The following TBC1D4 variants were observed in gnomAD, a reference collection of about 807,000 sequenced individuals.
TBC1D4 encodes the protein TBC1 domain family member 4, also known as TBC (Tre-2, BUB2, CDC16) domain-containing protein.
Under a neutral mutation model 142.5 loss-of-function variants are expected in TBC1D4, and 121 were observed. The ratio of observed to expected loss-of-function variants is 0.85; its 90% confidence interval spans 0.73 to 0.99. The LOEUF (loss-of-function observed/expected upper bound fraction) is 0.99. TBC1D4 is among the 50% of genes least tolerant of loss of function. TBC1D4 has a pLI of 0.00. For synonymous variants in TBC1D4, 630 were observed against 628.2 expected, an observed-to-expected ratio of 1.00 and a Z score of -0.04; for missense variants, 1,475 against 1,606.6, an observed-to-expected ratio of 0.92 and a Z score of 1.40.
intron 5 of TBC1D4, among the ~76,000 whole-genome samples, chr13:75,342,036 A>G (rs898917100): frequency 1.1e-4 from 17 of 152,148 alleles, no homozygotes. Context: ...TGTCTCTACT[A>G]AAAATACAAA....
rs546903584 is a variant in TBC1D4, at chr13:75,312,082, TTCTA to T, written c.2383+652_2383+655del. On this transcript the variant is annotated intron_variant, in intron 13 of 20. Transcript: ENST00000377636. ...ATCATTATGTATGTTCTCATGATTG[TTCTA>T]TCTGTTTGTTTACTGTTACATGTGC... Among the ~76,000 whole-genome samples the T allele has an allele frequency of 3.9e-3, 587 of 152,252 alleles. 5 individuals are homozygous for T. The highest frequency in any genetic ancestry group is 0.015 in the Admixed American group (228 of 15,298).
intron 1 of TBC1D4, among the ~76,000 whole-genome samples, chr13:75,404,216 T>C (rs1169601054): frequency 3.3e-5 from 5 of 152,166 alleles, no homozygotes; most frequent in African/African-American, 1.2e-4. Context: ...GCATACATAG[T>C]ATTATTGTAG....
intron 1 of TBC1D4, among the ~76,000 whole-genome samples, chr13:75,368,948 G>C (rs920082497): frequency 5.9e-5 from 9 of 152,150 alleles, no homozygotes; most frequent in African/African-American, 1.9e-4. Flanking sequence ...TGAGGCTGAG[G>C]CAGGAGAACC....
At chr13:75,414,958 T>C (rs1885848368) in intron 1 of TBC1D4, among the ~76,000 whole-genome samples, 1 of 151,590 alleles carries the variant, frequency 6.6e-6, no homozygotes, top group Non-Finnish European at 1.5e-5. Context: ...ACCCCATCTC[T>C]ACTAAAAACA....
chr13:75,470,735 C>T (rs1888362254), intron 1 of TBC1D4, among the ~76,000 whole-genome samples: 1 of 152,106 alleles, frequency 6.6e-6, no homozygotes, highest in Non-Finnish European at 1.5e-5. Context: ...CCTGTAATCC[C>T]AGCACTTTGG....
At chr13:75,346,535 T>A (rs1419882760) in intron 5 of TBC1D4, among the ~76,000 whole-genome samples, 1 of 152,370 alleles carries the variant, frequency 6.6e-6, no homozygotes, top group Non-Finnish European at 1.5e-5. Flanking sequence ...ATTTTCTTTA[T>A]CCAGTCTATC....
At chr13:75,451,718 T>C (rs1255036327) in intron 1 of TBC1D4, among the ~76,000 whole-genome samples, 1 of 149,428 alleles carries the variant, frequency 6.7e-6, no homozygotes, top group East Asian at 1.9e-4. Flanking sequence ...TATATTTATA[T>C]GTGCTCTATA....
chr13:75,409,035 A>G (rs1388249280), intron 1 of TBC1D4, among the ~76,000 whole-genome samples: 2 of 5,570 alleles, frequency 3.6e-4, no homozygotes, highest in Non-Finnish European at 7.9e-4. Flanking sequence ...ATATATATAC[A>G]CACACGCACA....
chr13:75,401,001 C>G (rs964950524), intron 1 of TBC1D4, among the ~76,000 whole-genome samples: 1 of 152,066 alleles, frequency 6.6e-6, no homozygotes, highest in Non-Finnish European at 1.5e-5. Context: ...ACCACCTGAC[C>G]CTGGACAAGT....
At chr13:75,332,143 T>C (rs993168334) in intron 8 of TBC1D4, among the ~76,000 whole-genome samples, 5 of 152,232 alleles carry the variant, frequency 3.3e-5, no homozygotes, top group Admixed American at 6.5e-5. Context: ...TTATGCAGGA[T>C]GCCAAGGTAC....
At chr13:75,348,837 C>T (rs1422094047) in intron 5 of TBC1D4, among the ~76,000 whole-genome samples, 2 of 152,084 alleles carry the variant, frequency 1.3e-5, no homozygotes, top group Non-Finnish European at 2.9e-5. Context: ...AATATTTGGT[C>T]AGTTCCCACC....
intron 4 of TBC1D4, among the ~76,000 whole-genome samples, chr13:75,353,373 C>T (rs1881775733): frequency 6.6e-6 from 1 of 152,196 alleles, no homozygotes; most frequent in Non-Finnish European, 1.5e-5. Context: ...AAAATGATTG[C>T]CTGAAGTTCA....
chr13:75,292,972 T>C (rs1471282908), intron 18 of TBC1D4, among the ~76,000 whole-genome samples: 3 of 152,098 alleles, frequency 2.0e-5, no homozygotes, highest in Admixed American at 2.0e-4. Flanking sequence ...CTGGTCAACA[T>C]GGTGAAACCC....
chr13:75,354,157 C>T (rs1881845940), intron 4 of TBC1D4, among the ~76,000 whole-genome samples: 1 of 152,196 alleles, frequency 6.6e-6, no homozygotes, highest in Admixed American at 6.5e-5. Context: ...CATGAAAGGG[C>T]ATAGTATTCC....
At chr13:75,358,084 T>A (rs1882197727) in intron 3 of TBC1D4, among the ~76,000 whole-genome samples, 1 of 152,084 alleles carries the variant, frequency 6.6e-6, no homozygotes, top group Non-Finnish European at 1.5e-5. Flanking sequence ...GAGGCACAGC[T>A]TTTGAGGATG....
At chr13:75,353,347 A>AT (rs1382343777) in intron 4 of TBC1D4, among the ~76,000 whole-genome samples, 1 of 152,260 alleles carries the variant, frequency 6.6e-6, no homozygotes, top group Non-Finnish European at 1.5e-5. Flanking sequence ...GTGATCACAG[A>AT]TGAACCAGCA....
At chr13:75,311,467 T>C (rs980491434) in intron 13 of TBC1D4, among the ~76,000 whole-genome samples, 2 of 152,210 alleles carry the variant, frequency 1.3e-5, no homozygotes, top group Non-Finnish European at 2.9e-5. Flanking sequence ...ACTTTTATTA[T>C]TTACTTCCAT....
At chr13:75,399,364 G>A (rs994458079) in intron 1 of TBC1D4, among the ~76,000 whole-genome samples, 6 of 152,198 alleles carry the variant, frequency 3.9e-5, no homozygotes, top group Non-Finnish European at 8.8e-5. Flanking sequence ...ACCAGTACCT[G>A]TTCTACAGTA....
At chr13:75,427,940 C>G (rs1244197722) in intron 1 of TBC1D4, among the ~76,000 whole-genome samples, 1 of 152,146 alleles carries the variant, frequency 6.6e-6, no homozygotes, top group Non-Finnish European at 1.5e-5. Context: ...TTGGGAAATA[C>G]TCCTCTGACA....
Sources: gnomAD v4.1 joint callset for allele counts (sites outside exome capture counted in the v4.1 genomes callset) on GRCh38, gnomAD v4.1.1 for gene constraint, MANE v1.5 for transcripts, NCBI Gene and HGNC (gene_info 2026-07-23, HGNC 2026-07-21) for gene names.